RICTOR: variants seen among roughly 807,000 people sequenced by gnomAD.
RICTOR encodes the protein rapamycin-insensitive companion of mTOR.
Under a neutral mutation model 214.9 loss-of-function variants are expected in RICTOR, and 49 were observed. The ratio of observed to expected loss-of-function variants is 0.23; its 90% CI spans 0.18 to 0.29. RICTOR has a LOEUF of 0.29. RICTOR is among the 10% of genes least tolerant of loss of function. The pLI is 1.00. For synonymous variants in RICTOR, 717 were observed against 711.3 expected, an observed-to-expected ratio of 1.01 and a Z score of -0.13; for missense variants, 1,625 against 2,047.0, an observed-to-expected ratio of 0.79 and a Z score of 3.98.
intron 19 of RICTOR, 57 bp from the exon 20 acceptor site, chr5:38,960,590 C>G (rs2150019172): frequency 6.5e-7 from 1 of 1,545,344 alleles, no homozygotes; most frequent in African/African-American, 1.4e-5. Context: ...ATTTTAGAAT[C>G]TTAACCATTA....
At chr5:39,060,941 CA>C (rs1207841306) in intron 2 of RICTOR, among the ~76,000 whole-genome samples, 3 of 152,118 alleles carry the variant, frequency 2.0e-5, no homozygotes, top group Non-Finnish European at 4.4e-5. Context: ...GGCATCGCCC[CA>C]TTTTCCTCAT....
At chr5:38,966,747 C>T in intron 14 of RICTOR, 26 bp from the exon 15 acceptor site, 2 of 1,240,436 alleles carry the variant, frequency 1.6e-6, no homozygotes, top group Non-Finnish European at 2.3e-6. Flanking sequence ...GATAACACCA[C>T]TGTTGCAAAA....
chr5:38,954,216 C>CT (rs1749039529), intron 27 of RICTOR, among the ~76,000 whole-genome samples: 1 of 151,770 alleles, frequency 6.6e-6, no homozygotes, highest in Non-Finnish European at 1.5e-5. Flanking sequence ...ATAAGAGAAA[C>CT]GTTACATTTA....
At chr5:38,976,590 C>T (rs919137652) in intron 9 of RICTOR, among the ~76,000 whole-genome samples, 1 of 152,122 alleles carries the variant, frequency 6.6e-6, no homozygotes, top group East Asian at 1.9e-4. Context: ...TGTGATTAAG[C>T]TTTCAGTGCT....
chr5:38,993,083 C>T (rs1372879862), intron 6 of RICTOR, among the ~76,000 whole-genome samples: 1 of 152,132 alleles, frequency 6.6e-6, no homozygotes, highest in African/African-American at 2.4e-5. Flanking sequence ...AAAGACATGT[C>T]AGATAAAAAT....
chr5:39,009,367 T>C (rs1754315513), intron 3 of RICTOR, among the ~76,000 whole-genome samples: 1 of 152,162 alleles, frequency 6.6e-6, no homozygotes, highest in South Asian at 2.1e-4. Context: ...GGTATTATAA[T>C]CTTAAAAAAC....
At chr5:38,960,775 A>G (rs1445767691) in intron 19 of RICTOR, among the ~76,000 whole-genome samples, 2 of 152,070 alleles carry the variant, frequency 1.3e-5, no homozygotes, top group African/African-American at 4.8e-5. Context: ...GGACCTCATG[A>G]GAGGAGATAA....
intron 3 of RICTOR, among the ~76,000 whole-genome samples, chr5:39,013,001 T>G (rs866566629): frequency 3.9e-5 from 6 of 152,172 alleles, no homozygotes; most frequent in Non-Finnish European, 5.9e-5. Context: ...TATCTGAGAA[T>G]GAAGACAACC....
intron 3 of RICTOR, among the ~76,000 whole-genome samples, chr5:39,006,685 GGGAAGGGGAA>G (rs1226392252): frequency 2.2e-5 from 3 of 138,394 alleles, no homozygotes; most frequent in Non-Finnish European, 4.7e-5. Context: ...AATAAGGGGA[GGGAAGGGGAA>G]GGGAGAGGAG....
intron 2 of RICTOR, among the ~76,000 whole-genome samples, chr5:39,058,855 A>G (rs1758359702): frequency 6.6e-6 from 1 of 152,132 alleles, no homozygotes; most frequent in Admixed American, 6.5e-5. Flanking sequence ...TCTAATCTGT[A>G]GTTTTGAAGT....
At chr5:38,990,736 G>GATATATATCAGATATGATATATATC (rs1302499072) in intron 7 of RICTOR, among the ~76,000 whole-genome samples, 1 of 20,710 alleles carries the variant, frequency 4.8e-5, no homozygotes, top group African/African-American at 1.3e-4. Context: ...TCATATATAT[G>GATATATATCAGATATGATATATATC]ATATATATGA....
Position 38,938,183 on chromosome 5 carries a change from T to C in RICTOR, c.*4121A>G, listed in dbSNP as rs1579831082. 2 of 221,126 alleles carry C rather than the reference T, an allele frequency of 9.0e-6. No homozygotes were observed. The highest frequency in any genetic ancestry group is 1.3e-4 in the East Asian group (2 of 14,964). The allele number at this position is 221,126 out of a possible 1,614,324, so 13.7% of individuals were successfully genotyped here. ...ATACAATATAAATCAGATTTCAATG[T>C]CTGTTCAGTGACCTACAAACACCAG... On this transcript the variant is annotated 3_prime_UTR_variant, in exon 38 of 38. Coordinates refer to ENST00000357387, the MANE Select transcript of RICTOR (RefSeq NM_152756.5).
chr5:39,050,139 G>A (rs1052256991), intron 2 of RICTOR, among the ~76,000 whole-genome samples: 1 of 151,242 alleles, frequency 6.6e-6, no homozygotes, highest in Admixed American at 6.6e-5. Flanking sequence ...CCAAAAGGAA[G>A]GTGATCTAGA....
chr5:39,015,846 T>C (rs565021325), intron 3 of RICTOR, among the ~76,000 whole-genome samples: 1 of 152,136 alleles, frequency 6.6e-6, no homozygotes, highest in African/African-American at 2.4e-5. Context: ...TGTCAGGCAC[T>C]AGACTGAGAC....
At chr5:38,970,538 C>T (rs1253919427) in intron 11 of RICTOR, 1 of 152,172 alleles carries the variant, frequency 6.6e-6, no homozygotes, top group Non-Finnish European at 1.5e-5. Flanking sequence ...TTATATCCTT[C>T]CATTTCCATT....
intron 11 of RICTOR, 140 bp from the exon 12 acceptor site, chr5:38,968,170 T>C: frequency 1.6e-6 from 1 of 615,196 alleles, no homozygotes; most frequent in Non-Finnish European, 3.0e-6. Flanking sequence ...TTTTAGTCAA[T>C]GATGGACCAT....
At chr5:39,026,934 G>T (rs1755873633) in intron 2 of RICTOR, among the ~76,000 whole-genome samples, 2 of 151,886 alleles carry the variant, frequency 1.3e-5, no homozygotes, top group Admixed American at 1.3e-4. Context: ...CTTGAACCCG[G>T]GAAACGGAGG....
intron 2 of RICTOR, among the ~76,000 whole-genome samples, chr5:39,039,382 A>T (rs1373456640): frequency 6.6e-6 from 1 of 152,192 alleles, no homozygotes; most frequent in Non-Finnish European, 1.5e-5. Context: ...AACCTAGGCA[A>T]TACCATTCAG....
intron 2 of RICTOR, among the ~76,000 whole-genome samples, chr5:39,036,643 C>G (rs1385846263): frequency 2.0e-5 from 3 of 151,448 alleles, no homozygotes; most frequent in Admixed American, 2.0e-4. Context: ...AAATGGAAAA[C>G]AAAAAAAGGC....
Sources: allele counts gnomAD v4.1 joint callset (sites outside exome capture counted in the v4.1 genomes callset), GRCh38; gene constraint gnomAD v4.1.1; transcripts MANE v1.5; gene names NCBI Gene and HGNC (gene_info 2026-07-23, HGNC 2026-07-21).